GBF1: variants seen among roughly 807,000 people sequenced by gnomAD.
GBF1 encodes golgi brefeldin A resistant guanine nucleotide exchange factor 1.
GBF1 carries 114 observed loss-of-function variants against 210.5 expected under a neutral mutation model. The ratio of observed to expected loss-of-function variants is 0.54; its 90% confidence interval spans 0.47 to 0.63. The LOEUF is 0.63. Ranked by LOEUF, GBF1 falls within the 30% of genes least tolerant of loss-of-function variation. The pLI is 0.00. For synonymous variants in GBF1, 850 were observed against 889.2 expected, an observed-to-expected ratio of 0.96 and a Z score of 0.78; for missense variants, 1,851 against 2,357.7, an observed-to-expected ratio of 0.79 and a Z score of 4.45.
the GBF1 span, among the ~76,000 whole-genome samples, chr10:102,235,316 G>A: frequency 6.6e-6 from 1 of 152,208 alleles, no homozygotes; most frequent in East Asian, 1.9e-4. Flanking sequence ...GAGAAGGCAT[G>A]AGAATGCTGG....
chr10:102,326,113 C>T (rs1469551222), intron 3 of GBF1, among the ~76,000 whole-genome samples: 2 of 152,186 alleles, frequency 1.3e-5, no homozygotes, highest in Non-Finnish European at 2.9e-5. Flanking sequence ...ATCTGTCTTA[C>T]TTGTCTATTA....
chr10:102,351,207 A>G (rs781070823), intron 4 of GBF1, 49 bp from the exon 5 acceptor site: 2 of 1,043,780 alleles, frequency 1.9e-6, no homozygotes, highest in Non-Finnish European at 3.0e-6. Context: ...CTTACCTTTT[A>G]TCTCTCTCCT....
At chr10:102,260,470 TTTC>T (rs949257095) in intron 3 of GBF1, among the ~76,000 whole-genome samples, 3,290 of 107,516 alleles carry the variant, frequency 0.031, 332 homozygotes, top group African/African-American at 0.032. Flanking sequence ...TATATTTTCC[TTTC>T]TTCTTTTTTT....
In GBF1 at chr10:102,260,091, A is replaced by G; in HGVS notation, c.138A>G (p.Leu46=). ...CTCTGCTGCATAGTTTCGGTCATCTAAAGGAGGTTTTAAACAGTATAACAG... is the reference window on the plus strand; with the variant it reads ...CTCTGCTGCATAGTTTCGGTCATCTGAAGGAGGTTTTAAACAGTATAACAG... ...RDPLLHSFGH[L]KEVLNSITEL... Residue 46 remains leucine (L), a synonymous_variant, in exon 3 of 40, where the codon CTA becomes CTG. Transcript: ENST00000369983. The G allele has an allele frequency of 6.3e-7, 1 of 1,584,598 alleles. No homozygotes were observed. The highest frequency in any genetic ancestry group is 1.1e-5 in the South Asian group (1 of 90,360).
At chr10:102,358,321 C>A in intron 9 of GBF1, 135 bp downstream of exon 9, 2 of 899,954 alleles carry the variant, frequency 2.2e-6, no homozygotes, top group South Asian at 1.6e-5. Context: ...AACTCCAGGT[C>A]AAATCAGAGT....
chr10:102,291,408 G>T (rs61874857), intron 3 of GBF1, among the ~76,000 whole-genome samples: 3,400 of 152,232 alleles, frequency 0.022, 68 homozygotes, highest in Non-Finnish European at 0.034. Flanking sequence ...TGAGGACAAG[G>T]CTGACACCAG....
At chr10:102,252,507 C>T (rs186927314) in intron 1 of GBF1, among the ~76,000 whole-genome samples, 1 of 152,186 alleles carries the variant, frequency 6.6e-6, no homozygotes, top group Admixed American at 6.5e-5. Flanking sequence ...AGAAAGGGAG[C>T]TTCATATGCA....
chr10:102,288,529 G>C (rs1471912456), intron 3 of GBF1, among the ~76,000 whole-genome samples: 1 of 151,160 alleles, frequency 6.6e-6, no homozygotes, highest in Non-Finnish European at 1.5e-5. Flanking sequence ...GGCTAACAAG[G>C]TGAAACCCCG....
chr10:102,293,801 G>A (rs1349890952), intron 3 of GBF1, among the ~76,000 whole-genome samples: 5 of 23,194 alleles, frequency 2.2e-4, no homozygotes, highest in Admixed American at 1.2e-3. Flanking sequence ...TTTTTGAGAT[G>A]GAGTCTCACT....
chr10:102,263,551 T>C (rs2073486962), intron 3 of GBF1, among the ~76,000 whole-genome samples: 1 of 152,212 alleles, frequency 6.6e-6, no homozygotes, highest in Non-Finnish European at 1.5e-5. Context: ...CAAAATGATT[T>C]TTTTTTCTCT....
Position 102,379,411 on chromosome 10 carries a change from A to C in GBF1, c.4622A>C (p.His1541Pro), listed in dbSNP as rs1168248426. The C allele has an allele frequency of 6.2e-7, 1 of 1,614,088 alleles. No homozygotes were observed. Among genetic ancestry groups the C allele is most frequent in the South Asian group, 1.1e-5 (1 of 91,078 alleles). ...IEADSRTLWA[H>P]CWCPLLQGIA... is the part of the protein sequence containing the mutation. Reference sequence around the variant, plus strand: ...GCTGATTCTCGCACCCTCTGGGCCCACTGCTGGTGCCCTTTACTGCAGGGT... The same window carrying C: ...GCTGATTCTCGCACCCTCTGGGCCCCCTGCTGGTGCCCTTTACTGCAGGGT... The change falls in exon 34 of 40, where the codon CAC (histidine) becomes CCC (proline). Residue 1541 changes from histidine to proline, a missense_variant. By Grantham distance (77) the His-to-Pro change is moderately conservative (BLOSUM62 -2). Around this residue, in one of 3 missense-constraint regions of GBF1, gnomAD observed 967 missense variants for 1,247.7 expected, o/e 0.78. Transcript: ENST00000369983.
intron 3 of GBF1, among the ~76,000 whole-genome samples, chr10:102,288,266 T>G (rs2076123307): frequency 2.6e-5 from 4 of 152,206 alleles, no homozygotes; most frequent in African/African-American, 9.7e-5. Context: ...CTCTAAAATT[T>G]GGTGCAAATG....
At chr10:102,303,974 CT>C (rs1245812649) in intron 3 of GBF1, among the ~76,000 whole-genome samples, 1 of 151,566 alleles carries the variant, frequency 6.6e-6, no homozygotes. Context: ...CATACCAGGA[CT>C]GGGATTTTAA....
At chr10:102,241,516 C>G (rs1383383484), upstream of GBF1, 2 of 152,454 alleles carry the variant, frequency 1.3e-5, no homozygotes, top group African/African-American at 4.8e-5. This position sits in a 1 kb window ranked among gnomAD's most constrained non-coding sequence, Gnocchi z 6.7. Context: ...TACTGCCACC[C>G]CCAGCCGGCG....
chr10:102,317,716 A>G (rs2055953527), intron 3 of GBF1, among the ~76,000 whole-genome samples: 1 of 152,190 alleles, frequency 6.6e-6, no homozygotes, highest in Non-Finnish European at 1.5e-5. Context: ...GCGCACGCAA[A>G]CACAATATCA....
chr10:102,259,907 C>T (rs775312079), intron 2 of GBF1, 143 bp from the exon 3 acceptor site: 14 of 579,728 alleles, frequency 2.4e-5, no homozygotes, highest in African/African-American at 1.9e-4. Context: ...AAAATATGAA[C>T]TATGGCTAAT....
intron 13 of GBF1, 92 bp from the exon 14 acceptor site, chr10:102,361,626 G>A (rs2059609625): frequency 2.4e-6 from 2 of 824,920 alleles, no homozygotes; most frequent in Non-Finnish European, 1.9e-6. Context: ...CTGGGCTTCT[G>A]CATCCTGTTT....
At chr10:102,313,491 G>T (rs752784722) in intron 3 of GBF1, among the ~76,000 whole-genome samples, 2 of 152,248 alleles carry the variant, frequency 1.3e-5, no homozygotes, top group African/African-American at 4.8e-5. Context: ...GATATTGCAG[G>T]TTATTTATGA....
chr10:102,238,681 A>G, the GBF1 span, among the ~76,000 whole-genome samples: 1 of 152,164 alleles, frequency 6.6e-6, no homozygotes, highest in African/African-American at 2.4e-5. Flanking sequence ...TCACAGACAT[A>G]ATTTCATTTA....
Sources: gnomAD v4.1 joint callset for allele counts (sites outside exome capture counted in the v4.1 genomes callset) on GRCh38, gnomAD v4.1.1 for gene constraint, gnomAD v4.1.1 regional missense constraint, Gnocchi (gnomAD v3.1) non-coding constraint, MANE v1.5 for transcripts, NCBI Gene and HGNC (gene_info 2026-07-23, HGNC 2026-07-21) for gene names.